PTGER3: variants seen among roughly 807,000 people sequenced by gnomAD.
The protein encoded by PTGER3 is prostaglandin E receptor 3.
In PTGER3, 22 loss-of-function variants were observed where a neutral mutation model predicts 34.7. That is an observed-to-expected ratio of 0.63 (90% CI 0.45 to 0.91). The LOEUF (loss-of-function observed/expected upper bound fraction) is 0.91, where lower values mean the gene tolerates loss of function less well. Ranked by LOEUF, PTGER3 falls within the 40% of genes least tolerant of loss-of-function variation. The pLI is 0.00. For synonymous variants in PTGER3, 241 were observed against 230.1 expected (o/e 1.05, Z -0.43); for missense variants, 468 against 519.4 (o/e 0.90, Z 0.96).
intron 4 of PTGER3, among the ~76,000 whole-genome samples, chr1:70,900,750 C>A (rs979367569): frequency 2.0e-5 from 3 of 152,058 alleles, no homozygotes; most frequent in Non-Finnish European, 4.4e-5. Flanking sequence ...TAGAGCACCC[C>A]CATTATACAG....
chr1:70,937,366 C>T (rs966986450), intron 4 of PTGER3, among the ~76,000 whole-genome samples: 4 of 152,094 alleles, frequency 2.6e-5, no homozygotes, highest in Non-Finnish European at 4.4e-5. Flanking sequence ...ATTTGGCGGG[C>T]ACTAGGTGTG....
chr1:70,920,056 A>G (rs752414742), intron 4 of PTGER3, among the ~76,000 whole-genome samples: 12 of 152,146 alleles, frequency 7.9e-5, no homozygotes, highest in Non-Finnish European at 1.8e-4. Context: ...GTTGATTCTG[A>G]TATTTCATGG....
At chr1:70,948,288 T>C (rs1650409965), downstream of PTGER3, among the ~76,000 whole-genome samples, 1 of 152,076 alleles carries the variant, frequency 6.6e-6, no homozygotes, top group Non-Finnish European at 1.5e-5. Flanking sequence ...CTTGTGATAG[T>C]GAGTGAGGTC....
chr1:70,921,591 C>T (rs900537692), intron 4 of PTGER3, among the ~76,000 whole-genome samples: 1 of 152,026 alleles, frequency 6.6e-6, no homozygotes, highest in Admixed American at 6.6e-5. Flanking sequence ...CCTAAACCTG[C>T]TTTTCAAGAT....
intron 2 of PTGER3, among the ~76,000 whole-genome samples, chr1:71,003,413 T>C (rs571620182): frequency 1.4e-4 from 21 of 152,304 alleles, no homozygotes; most frequent in Admixed American, 3.9e-4. Context: ...GTAGATGACA[T>C]TTTTATTGAT....
chr1:71,029,875 G>A (rs761246669), intron 1 of PTGER3, among the ~76,000 whole-genome samples: 6 of 151,580 alleles, frequency 4.0e-5, no homozygotes, highest in South Asian at 2.1e-4. Flanking sequence ...GCACTGAGCC[G>A]AGATCACGCT....
Position 71,046,919 on chromosome 1 carries a change from C to T in PTGER3, c.659G>A (p.Ser220Asn), listed in dbSNP as rs769208250. Reference sequence around the variant, plus strand: ...AAGGTTGCCCCAGTTATGCGAAGAGCTAGTCCCGTTGCCCCCTCGCCCGGT... The same window carrying T: ...AAGGTTGCCCCAGTTATGCGAAGAGTTAGTCCCGTTGCCCCCTCGCCCGGT... ...ISTGRGGNGT[S>N]SSHNWGNLFF... is the part of the protein sequence containing the mutation. Residue 220 changes from serine (S) to asparagine (N), a missense_variant, in exon 1 of 4, where the codon AGC becomes AAC. Coordinates refer to ENST00000306666, the MANE Select transcript of PTGER3 (RefSeq NM_198719.2). The T allele has an allele frequency of 6.2e-7, 1 of 1,610,126 alleles. No homozygotes were observed. The highest frequency in any genetic ancestry group is 2.2e-5 in the East Asian group (1 of 44,820).
chr1:70,954,096 G>C (rs1029039656), intron 2 of PTGER3, among the ~76,000 whole-genome samples: 16 of 152,058 alleles, frequency 1.1e-4, no homozygotes, highest in African/African-American at 3.9e-4. Flanking sequence ...CCACTCCTCT[G>C]TCACACGCTG....
intron 1 of PTGER3, among the ~76,000 whole-genome samples, chr1:71,043,543 G>A (rs953401052): frequency 2.0e-5 from 3 of 152,006 alleles, no homozygotes; most frequent in African/African-American, 7.3e-5. Context: ...ATATACTCAG[G>A]GTCCTTTCAA....
chr1:70,856,239 C>G (rs559791545), intron 4 of PTGER3, among the ~76,000 whole-genome samples: 1 of 152,070 alleles, frequency 6.6e-6, no homozygotes, highest in East Asian at 1.9e-4. Flanking sequence ...CAAGATAACT[C>G]ATTAGCTTTT....
intron 3 of PTGER3, chr1:70,953,106 C>A (rs748945158): frequency 4.1e-6 from 6 of 1,454,740 alleles, no homozygotes; most frequent in East Asian, 2.5e-5. Context: ...TAAAAAATAA[C>A]AATATGAAAA....
At chr1:70,982,209 C>T (rs2100731625) in intron 2 of PTGER3, among the ~76,000 whole-genome samples, 1 of 152,302 alleles carries the variant, frequency 6.6e-6, no homozygotes, top group Non-Finnish European at 1.5e-5. Flanking sequence ...GGGACTTTTT[C>T]TCCATGAAAT....
intron 2 of PTGER3, among the ~76,000 whole-genome samples, chr1:70,999,055 C>T (rs1255005723): frequency 6.6e-6 from 1 of 152,138 alleles, no homozygotes; most frequent in East Asian, 1.9e-4. Flanking sequence ...TGGCGGGCGC[C>T]TGTAGTCCCA....
At chr1:71,039,664 A>AAAG (rs1553180215) in intron 1 of PTGER3, among the ~76,000 whole-genome samples, 8 of 145,346 alleles carry the variant, frequency 5.5e-5, no homozygotes, top group South Asian at 2.2e-4. Flanking sequence ...AAAAAAAAAA[A>AAAG]AAAAAAGAAA....
intron 4 of PTGER3, among the ~76,000 whole-genome samples, chr1:70,891,895 C>T (rs1646625690): frequency 6.6e-6 from 1 of 152,146 alleles, no homozygotes; most frequent in African/African-American, 2.4e-5. Flanking sequence ...AGACATGTGC[C>T]ATGAGTCTTA....
At chr1:70,915,923 A>C (rs940946275) in intron 4 of PTGER3, among the ~76,000 whole-genome samples, 2 of 152,046 alleles carry the variant, frequency 1.3e-5, no homozygotes, top group African/African-American at 4.8e-5. Flanking sequence ...TATGCAGCAA[A>C]ACAAACTATC....
chr1:70,895,144 C>T (rs1053367028), intron 4 of PTGER3, among the ~76,000 whole-genome samples: 2 of 152,166 alleles, frequency 1.3e-5, no homozygotes, highest in African/African-American at 2.4e-5. Flanking sequence ...TAGCATTTAA[C>T]AAAAGAAATG....
chr1:70,953,043 T>G, exon 4 of PTGER3: 1 of 1,601,946 alleles, frequency 6.2e-7, no homozygotes, highest in South Asian at 1.1e-5. Flanking sequence ...CTGAGAGTTC[T>G]GCAAACTGCA....
intron 4 of PTGER3, among the ~76,000 whole-genome samples, chr1:70,911,753 G>A (rs530368556): frequency 4.5e-4 from 69 of 152,162 alleles, no homozygotes; most frequent in African/African-American, 1.1e-3. Flanking sequence ...AGAGGAAATC[G>A]TGTTACAACG....
Sources: gnomAD v4.1 joint callset for allele counts (sites outside exome capture counted in the v4.1 genomes callset) on GRCh38, gnomAD v4.1.1 for gene constraint, MANE v1.5 for transcripts, NCBI Gene and HGNC (gene_info 2026-07-23, HGNC 2026-07-21) for gene names.